FRAS1: variants seen among roughly 807,000 people sequenced by gnomAD.
FRAS1 encodes Fraser extracellular matrix complex subunit 1, also known as extracellular matrix organizing protein FRAS1.
In FRAS1, 290 loss-of-function variants were observed where a neutral mutation model predicts 435.2. That is an observed-to-expected ratio of 0.67 (90% CI 0.61 to 0.73). The LOEUF is 0.73. Ranked by LOEUF, FRAS1 falls within the 30% of genes least tolerant of loss-of-function variation. The probability of loss-of-function intolerance (pLI) is 0.00; values close to 1 mark genes in which losing one functional copy is unlikely to be tolerated. For missense variants in FRAS1, 4,860 were observed against 5,001.5 expected, an observed-to-expected ratio of 0.97 and a Z score of 0.85; for synonymous variants, 1,800 against 1,851.0, an observed-to-expected ratio of 0.97 and a Z score of 0.71.
At chr4:78,390,301 T>C (rs763121144) in intron 29 of FRAS1, among the ~76,000 whole-genome samples, 10 of 152,224 alleles carry the variant, frequency 6.6e-5, no homozygotes, top group Non-Finnish European at 1.0e-4. Flanking sequence ...TAAAGCTTGA[T>C]GGGAATTATT....
intron 1 of FRAS1, among the ~76,000 whole-genome samples, chr4:78,059,380 G>A (rs568611094): frequency 4.6e-5 from 7 of 152,216 alleles, no homozygotes; most frequent in South Asian, 2.1e-4. Context: ...GCACTCTTCC[G>A]GGATGTGTGT....
intron 62 of FRAS1, 96 bp downstream of exon 62, chr4:78,507,704 C>T: frequency 8.3e-7 from 1 of 1,204,344 alleles, no homozygotes; most frequent in Non-Finnish European, 1.1e-6. Flanking sequence ...TCTTCTAACC[C>T]AGTGGTTCCC....
chr4:78,395,112 A>G (rs1732605073), intron 29 of FRAS1, among the ~76,000 whole-genome samples: 1 of 151,968 alleles, frequency 6.6e-6, no homozygotes, highest in African/African-American at 2.4e-5. Flanking sequence ...TTTTCTACAT[A>G]TAAGATCATG....
At chr4:78,255,726 G>C (rs765907514) in intron 6 of FRAS1, among the ~76,000 whole-genome samples, 1 of 152,132 alleles carries the variant, frequency 6.6e-6, no homozygotes, top group Non-Finnish European at 1.5e-5. Context: ...CATTGCATAG[G>C]TATAGTCTGC....
intron 33 of FRAS1, among the ~76,000 whole-genome samples, chr4:78,419,349 T>C (rs1176421855): frequency 6.6e-6 from 1 of 152,156 alleles, no homozygotes; most frequent in East Asian, 1.9e-4. Context: ...TCCCCTCCCA[T>C]GTACTGGCAG....
intron 47 of FRAS1, among the ~76,000 whole-genome samples, chr4:78,452,738 C>T (rs1719063676): frequency 1.3e-5 from 2 of 152,192 alleles, no homozygotes; most frequent in South Asian, 2.1e-4. Flanking sequence ...AGCAAGTGTA[C>T]TGAGCAAGAT....
intron 59 of FRAS1, among the ~76,000 whole-genome samples, chr4:78,492,115 G>T (rs998849243): frequency 1.3e-5 from 2 of 152,124 alleles, no homozygotes; most frequent in African/African-American, 4.8e-5. Flanking sequence ...CCTCTTCAAG[G>T]AGAACTACAA....
chr4:78,113,546 T>A (rs1347475859), intron 2 of FRAS1, among the ~76,000 whole-genome samples: 23 of 152,188 alleles, frequency 1.5e-4, no homozygotes, highest in Non-Finnish European at 2.4e-4. Flanking sequence ...GGTATCTCAT[T>A]GTGGTTTTGA....
At chr4:78,297,596 A>G (rs1728193424) in intron 14 of FRAS1, among the ~76,000 whole-genome samples, 1 of 152,044 alleles carries the variant, frequency 6.6e-6, no homozygotes, top group African/African-American at 2.4e-5. Flanking sequence ...GAGTTGCTCA[A>G]GAAGCCAACC....
intron 14 of FRAS1, among the ~76,000 whole-genome samples, chr4:78,303,196 T>C (rs915421539): frequency 2.0e-5 from 3 of 152,178 alleles, no homozygotes; most frequent in Admixed American, 1.3e-4. Context: ...CTGAGGGCTC[T>C]GTTCTGTTCC....
chr4:78,127,833 T>C (rs1438159903), intron 2 of FRAS1, among the ~76,000 whole-genome samples: 1 of 151,948 alleles, frequency 6.6e-6, no homozygotes, highest in Non-Finnish European at 1.5e-5. Flanking sequence ...TCATGTGCCA[T>C]GTTGGTGTGC....
At chr4:78,390,096 A>G (rs1732385305) in intron 29 of FRAS1, among the ~76,000 whole-genome samples, 1 of 152,198 alleles carries the variant, frequency 6.6e-6, no homozygotes, top group South Asian at 2.1e-4. Flanking sequence ...TCTGACTGCA[A>G]TACTGGCAAC....
chr4:78,317,334 C>T lies in FRAS1; in HGVS notation c.1820-34C>T, dbSNP rs760250933. 22 of 1,612,986 alleles carry T rather than the reference C, an allele frequency of 1.4e-5. No individual in the cohort carries two copies. The African/African-American group carries it at 2.9e-4, about 22-fold the overall frequency. On this transcript the variant is annotated intron_variant, in intron 16 of 73. Transcript: ENST00000512123. The stretch of plus-strand genomic sequence containing the variant: ...AAGTGGGCACTTTATTCACCCATGT[C>T]CCATGGCGTTCTCCCTCTCACTCTC...
At position 78,257,836 on chromosome 4, in the gene FRAS1, A is replaced by G. The variant is rs374176177; in HGVS notation, c.603+2461A>G. On this transcript the variant is annotated intron_variant, in intron 6 of 73. Coordinates refer to ENST00000512123, the MANE Select transcript of FRAS1 (RefSeq NM_025074.7). ...GGGTTATTCTTCTAACGAAGGATGT[A>G]AATTCATACTGAAATTGCCTGCTTT... Among the ~76,000 whole-genome samples, 29 of 152,318 alleles carry G rather than the reference A, an allele frequency of 1.9e-4. No individual in the cohort carries two copies. In the East Asian group the frequency reaches 4.6e-3, roughly 24 times the overall value.
At chr4:78,094,132 A>T in intron 2 of FRAS1, among the ~76,000 whole-genome samples, 1 of 138,286 alleles carries the variant, frequency 7.2e-6, no homozygotes. Flanking sequence ...TTTTTTTGCA[A>T]CTGTAAAAAT....
intron 20 of FRAS1, among the ~76,000 whole-genome samples, chr4:78,345,595 CTTTT>C (rs1403889890): frequency 6.6e-6 from 1 of 151,520 alleles, no homozygotes; most frequent in East Asian, 1.9e-4. Context: ...TCCTTATCTT[CTTTT>C]TTTGTGTTTT....
chr4:78,321,054 A>G (rs573290865), intron 18 of FRAS1, among the ~76,000 whole-genome samples: 2 of 152,238 alleles, frequency 1.3e-5, no homozygotes, highest in Non-Finnish European at 2.9e-5. Context: ...AAAATGGGGA[A>G]TTCGGAGTGG....
intron 58 of FRAS1, among the ~76,000 whole-genome samples, chr4:78,483,908 A>G (rs1428719430): frequency 6.6e-6 from 1 of 151,382 alleles, no homozygotes; most frequent in East Asian, 1.9e-4. Context: ...TGAAGGTGCA[A>G]CTTGCATAAA....
rs923058115 is a variant in FRAS1 at position 78,542,381 on chromosome 4, T to A, written c.*1257T>A. Reference sequence around the variant, plus strand: ...TTTGTGTAGGCTACACACAGCTTGCTTTTGTTTCTCTTCTGTTTCTGCCTT... The same window carrying A: ...TTTGTGTAGGCTACACACAGCTTGCATTTGTTTCTCTTCTGTTTCTGCCTT... On this transcript the variant is annotated 3_prime_UTR_variant, in exon 74 of 74. Transcript: ENST00000512123. 6.6e-6 allele frequency: 1 copy of A among 152,504 alleles called. No homozygotes were observed. The highest frequency in any genetic ancestry group is 2.1e-4 in the South Asian group (1 of 4,822). 9.4% of individuals were successfully genotyped at this position (152,504 alleles called of 1,614,324 possible).
Sources: allele counts gnomAD v4.1 joint callset (sites outside exome capture counted in the v4.1 genomes callset), GRCh38; gene constraint gnomAD v4.1.1; transcripts MANE v1.5; gene names NCBI Gene and HGNC (gene_info 2026-07-23, HGNC 2026-07-21).